LPAR1: variants seen among roughly 807,000 people sequenced by gnomAD.
LPAR1 encodes the protein LPA receptor 1.
In LPAR1, 5 loss-of-function variants were observed where a neutral mutation model predicts 23.8. The ratio of observed to expected loss-of-function variants is 0.21; its 90% CI spans 0.11 to 0.44. LPAR1 has a LOEUF of 0.44. Ranked by LOEUF, LPAR1 falls within the 20% of genes least tolerant of loss-of-function variation. The pLI is 0.99. For missense variants in LPAR1, 311 were observed against 482.8 expected, an observed-to-expected ratio of 0.64 and a Z score of 3.33; for synonymous variants, 160 against 164.7, an observed-to-expected ratio of 0.97 and a Z score of 0.22.
At chr9:110,942,492 A>G (rs527714967) in intron 4 of LPAR1, among the ~76,000 whole-genome samples, 1 of 152,352 alleles carries the variant, frequency 6.6e-6, no homozygotes, top group South Asian at 2.1e-4. Flanking sequence ...AAAATTTTGC[A>G]GAACATTGCA....
chr9:110,911,333 GC>G (rs1421470434), intron 5 of LPAR1, among the ~76,000 whole-genome samples: 1 of 152,100 alleles, frequency 6.6e-6, no homozygotes, highest in African/African-American at 2.4e-5. Context: ...GATTGCTTGA[GC>G]CCAGGAGTTT....
chr9:110,942,940 G>A (rs939977082), intron 4 of LPAR1, among the ~76,000 whole-genome samples: 2 of 151,796 alleles, frequency 1.3e-5, no homozygotes, highest in Non-Finnish European at 2.9e-5. Context: ...TTTAAAGTGT[G>A]GAGTGAAAAT....
intron 2 of LPAR1, among the ~76,000 whole-genome samples, chr9:111,021,071 CA>C (rs2097550721): frequency 6.6e-6 from 1 of 151,854 alleles, no homozygotes; most frequent in South Asian, 2.1e-4. Flanking sequence ...TATTGAATTA[CA>C]AAAAAATAAT....
intron 5 of LPAR1, among the ~76,000 whole-genome samples, chr9:110,880,927 T>C (rs1025127547): frequency 1.4e-4 from 21 of 152,206 alleles, no homozygotes; most frequent in African/African-American, 4.8e-4. Flanking sequence ...AATCCTTCAA[T>C]GCTATGTATC....
chr9:111,007,957 T>G (rs979981650), intron 2 of LPAR1, among the ~76,000 whole-genome samples: 3 of 152,122 alleles, frequency 2.0e-5, no homozygotes, highest in African/African-American at 7.2e-5. Flanking sequence ...GCAGATCACC[T>G]GAGGTCAGGA....
At position 110,953,243 on chromosome 9, in the gene LPAR1, G is replaced by C. The variant is rs538439760; in HGVS notation, c.46-11075C>G. The stretch of plus-strand genomic sequence containing the variant: ...TTACACTGGTACCAGCATACACCAA[G>C]AACAGGCATGCTCAGCCTGCAACTG... On this transcript the variant is annotated intron_variant, in intron 4 of 5. Transcript: ENST00000683809. Among the ~76,000 whole-genome samples the C allele has an allele frequency of 1.1e-4, 16 of 152,232 alleles. 1 individual carries two copies. The South Asian group carries it at 2.9e-3, about 28-fold the overall frequency.
chr9:110,946,860 A>G (rs2095401924), intron 4 of LPAR1, among the ~76,000 whole-genome samples: 1 of 152,196 alleles, frequency 6.6e-6, no homozygotes, highest in South Asian at 2.1e-4. Context: ...TGGGATTAAA[A>G]TTACTTACTG....
intron 2 of LPAR1, among the ~76,000 whole-genome samples, chr9:111,014,927 GACC>G (rs1447736584): frequency 6.6e-6 from 1 of 151,782 alleles, no homozygotes; most frequent in South Asian, 2.1e-4. Flanking sequence ...CTCAGAATGT[GACC>G]ACATTTGGAG....
intron 5 of LPAR1, among the ~76,000 whole-genome samples, chr9:110,916,025 T>C (rs1326894): frequency 0.51 from 77,376 of 151,982 alleles, 20,315 homozygotes; most frequent in East Asian, 0.62. Context: ...AAATGTTAGA[T>C]GTTAAATTTA....
intron 4 of LPAR1, among the ~76,000 whole-genome samples, chr9:110,968,427 C>CCTCT (rs766545986): frequency 6.7e-5 from 10 of 149,596 alleles, no homozygotes; most frequent in Non-Finnish European, 1.5e-4. Context: ...TGCTTTGCTC[C>CCTCT]CTCTCTCTCT....
At chr9:110,934,097 A>G (rs975377463) in intron 5 of LPAR1, among the ~76,000 whole-genome samples, 2 of 152,196 alleles carry the variant, frequency 1.3e-5, no homozygotes, top group African/African-American at 2.4e-5. Flanking sequence ...ATATTCGCTC[A>G]GGTTCTTCCT....
rs756407516 is a variant in LPAR1 at position 110,941,854 on chromosome 9, T to C, written c.360A>G (p.Thr120=). 2.5e-5 allele frequency: 41 copies of C among 1,614,216 alleles called. No individual in the cohort carries two copies. In the Admixed American group the frequency reaches 5.0e-4, roughly 20 times the overall value. ...CAATGAGGCCCTGACGAAGGAGCCA[T>C]GTGCTAACAGTCAGTCTCCGAGTAT... ...GPNTRRLTVS[T]WLLRQGLIDT... Residue 120 remains threonine (T), a synonymous_variant, in exon 5 of 6, where the codon ACA becomes ACG. Transcript: ENST00000683809. This position sits in a 1 kb window ranked among gnomAD's most constrained non-coding sequence, Gnocchi z 6.1.
intron 2 of LPAR1, among the ~76,000 whole-genome samples, chr9:110,980,630 G>A (rs901039472): frequency 1.3e-5 from 2 of 151,696 alleles, no homozygotes; most frequent in Non-Finnish European, 2.9e-5. Flanking sequence ...AAGCCTAGGG[G>A]ACAGGGAGGG....
At position 111,036,144 on chromosome 9, in the gene LPAR1, C is replaced by G. The variant is rs1310656615; in HGVS notation, c.-204G>C. On this transcript the variant is annotated 5_prime_UTR_variant, in exon 2 of 6. Coordinates refer to ENST00000683809, the MANE Select transcript of LPAR1 (RefSeq NM_001351411.2). Reference sequence around the variant, plus strand: ...TACCTCTGTTAGTTCTTTCCCATCACTCACAGGGAGACTGAAATCCATGCT... The same window carrying G: ...TACCTCTGTTAGTTCTTTCCCATCAGTCACAGGGAGACTGAAATCCATGCT... The G allele has an allele frequency of 6.6e-6, 1 of 152,212 alleles. No homozygotes were observed. Among genetic ancestry groups the G allele is most frequent in the Non-Finnish European group, 1.5e-5 (1 of 68,046 alleles). 9.4% of individuals were successfully genotyped at this position (152,212 alleles called of 1,614,324 possible). A position where few individuals can be genotyped will look rare whatever the true frequency, so the allele number is the denominator to read the frequency against.
intron 4 of LPAR1, among the ~76,000 whole-genome samples, chr9:110,946,243 G>C (rs971545938): frequency 1.3e-5 from 2 of 151,960 alleles, no homozygotes; most frequent in South Asian, 4.1e-4. Flanking sequence ...GATGCACCAG[G>C]GGTCCAAGAA....
At chr9:110,949,302 C>T (rs1024914671) in intron 4 of LPAR1, among the ~76,000 whole-genome samples, 1 of 152,136 alleles carries the variant, frequency 6.6e-6, no homozygotes, top group African/African-American at 2.4e-5. Flanking sequence ...ATGTGAGAAT[C>T]CCCAGAACAG....
intron 2 of LPAR1, among the ~76,000 whole-genome samples, chr9:110,977,715 T>C (rs563425346): frequency 1.5e-5 from 1 of 66,672 alleles, no homozygotes; most frequent in South Asian, 4.1e-4. Context: ...GGCACATGTA[T>C]ACCTATGTAA....
chr9:111,022,059 A>G (rs937214668), intron 2 of LPAR1, among the ~76,000 whole-genome samples: 7 of 151,646 alleles, frequency 4.6e-5, no homozygotes, highest in Non-Finnish European at 8.8e-5. Context: ...GTGTTGCCCA[A>G]TGTGAAGGAA....
chr9:111,008,041 G>A (rs951152790), intron 2 of LPAR1, among the ~76,000 whole-genome samples: 5 of 151,944 alleles, frequency 3.3e-5, no homozygotes, highest in Middle Eastern at 3.2e-3. Context: ...CGGTGTGGTC[G>A]TGGGCACCTG....
Sources: gnomAD v4.1 joint callset for allele counts (sites outside exome capture counted in the v4.1 genomes callset) on GRCh38, gnomAD v4.1.1 for gene constraint, Gnocchi (gnomAD v3.1) non-coding constraint, MANE v1.5 for transcripts, NCBI Gene and HGNC (gene_info 2026-07-23, HGNC 2026-07-21) for gene names.